Variants in GDPD4 observed in about 807,000 individuals in gnomAD.
GDPD4 encodes glycerophosphodiester phosphodiesterase 6.
Under a neutral mutation model 67.8 loss-of-function variants are expected in GDPD4, and 60 were observed. The observed-to-expected ratio is 0.88, with a 90% CI of 0.72 to 1.10. The LOEUF (loss-of-function observed/expected upper bound fraction) is 1.10. GDPD4 is among the 50% of genes least tolerant of loss of function. The pLI is 0.00. For synonymous variants in GDPD4, 212 were observed against 210.9 expected (o/e 1.00, Z -0.04); for missense variants, 623 against 613.9 (o/e 1.01, Z -0.16).
At chr11:77,245,564 A>T in intron 11 of GDPD4, 62 bp from the exon 12 acceptor site, 1 of 1,124,922 alleles carries the variant, frequency 8.9e-7, no homozygotes, top group African/African-American at 1.5e-5. Context: ...CTATGTAGCC[A>T]CACATCCAGC....
chr11:77,221,928 C>CAT (rs1433305634), intron 16 of GDPD4, among the ~76,000 whole-genome samples: 8 of 151,960 alleles, frequency 5.3e-5, no homozygotes, highest in African/African-American at 1.9e-4. Flanking sequence ...GTATTGGGTG[C>CAT]ATATATATTT....
chr11:77,270,868 G>A, intron 7 of GDPD4: 1 of 419,700 alleles, frequency 2.4e-6, no homozygotes, highest in South Asian at 3.2e-5. Flanking sequence ...GTATAATAAT[G>A]TAGAGAAAGA....
chr11:77,287,900 A>G (rs1159103203), intron 1 of GDPD4, among the ~76,000 whole-genome samples: 1 of 152,222 alleles, frequency 6.6e-6, no homozygotes, highest in East Asian at 1.9e-4. Context: ...GTTAGCTTCA[A>G]TTATGAATGA....
intron 5 of GDPD4, among the ~76,000 whole-genome samples, chr11:77,272,648 CA>C (rs1959268820): frequency 6.6e-6 from 1 of 151,920 alleles, no homozygotes; most frequent in Non-Finnish European, 1.5e-5. Context: ...TGGTTGCACA[CA>C]ACTGTAGTTC....
At chr11:77,261,765 A>G (rs1894214) in intron 10 of GDPD4, among the ~76,000 whole-genome samples, 102,068 of 152,018 alleles carry the variant, frequency 0.67, 34,422 homozygotes, top group East Asian at 0.77. Context: ...TTTCCCACCA[A>G]CTCAGCTTTT....
At chr11:77,238,985 A>G (rs1051925665) in intron 13 of GDPD4, among the ~76,000 whole-genome samples, 15 of 152,226 alleles carry the variant, frequency 9.9e-5, no homozygotes, top group African/African-American at 3.4e-4. Flanking sequence ...GCACCATAAA[A>G]GAATCATTCA....
chr11:77,299,648 G>A (rs1311075604), intron 1 of GDPD4, among the ~76,000 whole-genome samples: 2 of 152,170 alleles, frequency 1.3e-5, no homozygotes, highest in Non-Finnish European at 2.9e-5. Context: ...ACTCAACCAG[G>A]TTGGCCTGGG....
Position 77,258,463 on chromosome 11 carries a change from C to A in GDPD4, c.787G>T (p.Ala263Ser), listed in dbSNP as rs1443517794. 6.2e-7 allele frequency: 1 copy of A among 1,613,994 alleles called. No homozygotes were observed. The highest frequency in any genetic ancestry group is 1.3e-5 in the African/African-American group (1 of 74,930). ...TTGAAGAAGGCAGGGTTCTCGCAGG[C>A]AGATTCTGGCTGAACTTCCCCAATA... ...TNIGEVQPES[A>S]CENPAFFNWD... The change falls in exon 11 of 17, where the codon GCC becomes TCC. Residue 263 changes from alanine (A) to serine (S), a missense_variant. Physicochemically the swap from Ala to Ser is moderately conservative, Grantham distance 99 (BLOSUM62 1). Transcript: ENST00000315938.
At chr11:77,279,579 T>C (rs1959661755) in intron 3 of GDPD4, among the ~76,000 whole-genome samples, 180 bp from the exon 4 acceptor site, 3 of 151,574 alleles carry the variant, frequency 2.0e-5, no homozygotes, top group African/African-American at 7.2e-5. Flanking sequence ...TTGTGTTCTG[T>C]AGGCAATTGG....
chr11:77,217,170 G>GGTGT lies in GDPD4; in HGVS notation c.*103_*106dup, dbSNP rs769873327. ...GGTGCTGCAAAATTGAAATGGCCTT[G>GGTGT]GTGTTCCTTTCCACTCTTGGGTAGA... is the stretch of plus-strand genomic sequence containing the variant. On this transcript the variant is annotated 3_prime_UTR_variant, in exon 17 of 17. Coordinates refer to ENST00000315938, the MANE Select transcript of GDPD4 (RefSeq NM_182833.3). The GGTGT allele has an allele frequency of 6.0e-6, 5 of 840,238 alleles. No homozygotes were observed. Among genetic ancestry groups the GGTGT allele is most frequent in the Non-Finnish European group, 1.1e-5 (5 of 474,882 alleles). The allele number at this position is 840,238 out of a possible 1,614,324, so 52.0% of individuals were successfully genotyped here. A position where few individuals can be genotyped will look rare whatever the true frequency, so the allele number is the denominator to read the frequency against.
intron 5 of GDPD4, among the ~76,000 whole-genome samples, chr11:77,271,813 T>C (rs1959234551): frequency 6.6e-6 from 1 of 152,232 alleles, no homozygotes; most frequent in African/African-American, 2.4e-5. Flanking sequence ...CTTTTCAACG[T>C]CCGTTTTCCC....
In GDPD4 at chr11:77,236,673, C is replaced by A. The variant is rs185831717; in HGVS notation, c.1242-3501G>T. On this transcript the variant is annotated intron_variant, in intron 13 of 16. Coordinates refer to ENST00000315938, the MANE Select transcript of GDPD4 (RefSeq NM_182833.3). ...AATGAAGGGGCCAATTCACCAAGATCTAATAATCCTAAGTGAAAATGCACC... is the reference window on the plus strand; with the variant it reads ...AATGAAGGGGCCAATTCACCAAGATATAATAATCCTAAGTGAAAATGCACC... Among the ~76,000 whole-genome samples the A allele has an allele frequency of 3.3e-3, 505 of 152,040 alleles. 2 individuals carry two copies. Among genetic ancestry groups the A allele is most frequent in the Middle Eastern group, 0.02 (6 of 294 alleles).
At chr11:77,232,648 T>G (rs1958475293) in intron 14 of GDPD4, among the ~76,000 whole-genome samples, 1 of 152,150 alleles carries the variant, frequency 6.6e-6, no homozygotes, top group Non-Finnish European at 1.5e-5. Context: ...TCTACAAAGG[T>G]GGGGCTACAG....
chr11:77,249,147 T>C (rs1958838279), intron 11 of GDPD4, among the ~76,000 whole-genome samples: 1 of 149,496 alleles, frequency 6.7e-6, no homozygotes, highest in African/African-American at 2.5e-5. Flanking sequence ...GTGCCTGTAG[T>C]CCCAGCTACT....
rs749921283 is a variant in GDPD4, at chr11:77,233,179, C to CA, written c.1242-8dup. 6 of 1,611,962 alleles carry CA rather than the reference C, an allele frequency of 3.7e-6. No homozygotes were observed. The Admixed American group carries it at 8.3e-5, about 22-fold the overall frequency. ...GTTAGCTGCTTTATAATCTCTGGAA[C>CA]AAAAACAGAACCCACAGGGGATTTA... is the stretch of plus-strand genomic sequence containing the variant. On this transcript the variant is annotated splice_region_variant and splice_polypyrimidine_tract_variant and intron_variant, in intron 13 of 16. Transcript: ENST00000315938.
chr11:77,278,041 C>T (rs977335400), intron 4 of GDPD4, among the ~76,000 whole-genome samples: 6 of 151,768 alleles, frequency 4.0e-5, no homozygotes, highest in African/African-American at 1.5e-4. Context: ...TGTAGTTGAG[C>T]GGTTTTGAGT....
chr11:77,251,816 G>T (rs1250841144), intron 11 of GDPD4, among the ~76,000 whole-genome samples: 2 of 152,178 alleles, frequency 1.3e-5, no homozygotes, highest in Non-Finnish European at 2.9e-5. Flanking sequence ...TTTCCCTCAG[G>T]AACATCTACA....
At chr11:77,296,781 C>T (rs1937980121) in intron 1 of GDPD4, among the ~76,000 whole-genome samples, 1 of 150,598 alleles carries the variant, frequency 6.6e-6, no homozygotes, top group African/African-American at 2.4e-5. Context: ...CTTTTTTGGC[C>T]GGGTGCGGTG....
chr11:77,219,888 T>C (rs1013124736), intron 16 of GDPD4, among the ~76,000 whole-genome samples: 2 of 152,246 alleles, frequency 1.3e-5, no homozygotes, highest in Non-Finnish European at 2.9e-5. Flanking sequence ...AGGTATTTTA[T>C]TCTCTTTGGA....
Sources: gnomAD v4.1 joint callset for allele counts (sites outside exome capture counted in the v4.1 genomes callset) on GRCh38, gnomAD v4.1.1 for gene constraint, MANE v1.5 for transcripts, NCBI Gene and HGNC (gene_info 2026-07-23, HGNC 2026-07-21) for gene names.